MIER3: variants seen among roughly 807,000 people sequenced by gnomAD.
The protein encoded by MIER3 is MIER family member 3.
Under a neutral mutation model 63.2 loss-of-function variants are expected in MIER3, and 9 were observed. The observed-to-expected ratio is 0.14, with a 90% CI of 0.09 to 0.25. The LOEUF (loss-of-function observed/expected upper bound fraction) is 0.25, where lower values mean the gene tolerates loss of function less well. MIER3 is among the 10% of genes least tolerant of loss of function. The probability of loss-of-function intolerance (pLI) is 1.00; values close to 1 mark genes in which losing one functional copy is unlikely to be tolerated. For missense variants in MIER3, 512 were observed against 666.2 expected, an observed-to-expected ratio of 0.77 and a Z score of 2.55; for synonymous variants, 205 against 224.9, an observed-to-expected ratio of 0.91 and a Z score of 0.79.
rs1749679746 is a variant in MIER3, at chr5:56,921,662, T to C, written c.*1466A>G. 6.6e-6 allele frequency: 1 copy of C among 152,644 alleles called. No homozygotes were observed. The highest frequency in any genetic ancestry group is 1.5e-5 in the Non-Finnish European group (1 of 68,022). The allele number at this position is 152,644 out of a possible 1,614,324, so 9.5% of individuals were successfully genotyped here. A position where few individuals can be genotyped will look rare whatever the true frequency, so the allele number is the denominator to read the frequency against. ...ACTACTAAGATCACTACATCCTATCTACTCATCAGCACAACCTTGAAGCAA... is the reference window on the plus strand; with the variant it reads ...ACTACTAAGATCACTACATCCTATCCACTCATCAGCACAACCTTGAAGCAA... On this transcript the variant is annotated 3_prime_UTR_variant, in exon 13 of 13. Coordinates refer to ENST00000381199, the MANE Select transcript of MIER3 (RefSeq NM_001297599.2).
At chr5:56,951,403 T>C (rs1268262137) in intron 1 of MIER3, among the ~76,000 whole-genome samples, 1 of 151,860 alleles carries the variant, frequency 6.6e-6, no homozygotes, top group African/African-American at 2.4e-5. Flanking sequence ...CCAGCCTTCC[T>C]TCCTCCAGCC....
At chr5:56,937,031 G>A (rs1750469888) in intron 5 of MIER3, 1 of 151,916 alleles carries the variant, frequency 6.6e-6, no homozygotes. Context: ...AAGGAAAATG[G>A]CCTTGTAAAA....
chr5:56,930,402 G>C (rs2112098557), intron 9 of MIER3, among the ~76,000 whole-genome samples: 1 of 150,898 alleles, frequency 6.6e-6, no homozygotes, highest in Non-Finnish European at 1.5e-5. Context: ...TGGACATATT[G>C]TCATGTCTGG....
rs150936483 is a variant in MIER3, at chr5:56,947,918, A to G, written c.35-847T>C. The stretch of plus-strand genomic sequence containing the variant: ...AGAAATGACTAAAATCCATAATCCC[A>G]AAGAAATGAAATCAAATTTATAAAA... On this transcript the variant is annotated intron_variant, in intron 2 of 12. Transcript: ENST00000381199. Among the ~76,000 whole-genome samples the G allele has an allele frequency of 7.9e-5, 12 of 152,340 alleles. No individual in the cohort carries two copies. The East Asian group carries it at 1.5e-3, about 20-fold the overall frequency.
chr5:56,936,515 T>C (rs1393036547), intron 5 of MIER3, among the ~76,000 whole-genome samples: 1 of 152,272 alleles, frequency 6.6e-6, no homozygotes, highest in East Asian at 1.9e-4. Flanking sequence ...AAACATTTTA[T>C]TTATTTATTT....
At chr5:56,926,329 T>A (rs1172319895) in intron 10 of MIER3, among the ~76,000 whole-genome samples, 1 of 151,910 alleles carries the variant, frequency 6.6e-6, no homozygotes, top group Non-Finnish European at 1.5e-5. Context: ...GAAGAAAATA[T>A]TTGCAAAACA....
intron 7 of MIER3, among the ~76,000 whole-genome samples, 192 bp from the exon 8 acceptor site, chr5:56,933,590 A>G (rs1479466012): frequency 6.6e-6 from 1 of 152,208 alleles, no homozygotes; most frequent in African/African-American, 2.4e-5. Context: ...TTATAGGCCA[A>G]GGATTCCAGG....
At chr5:56,935,153 C>T (rs186772581) in intron 7 of MIER3, among the ~76,000 whole-genome samples, 7 of 152,154 alleles carry the variant, frequency 4.6e-5, no homozygotes, top group East Asian at 1.9e-4. Context: ...GGTACAGCAC[C>T]GTGGGAGGCT....
chr5:56,936,670 C>T (rs1750458821), intron 5 of MIER3, among the ~76,000 whole-genome samples: 1 of 151,956 alleles, frequency 6.6e-6, no homozygotes. Flanking sequence ...GCCACTATGC[C>T]CAGCTAAGTT....
At position 56,952,087 on chromosome 5, in the gene MIER3, TG is replaced by T; in HGVS notation, c.9+6del. 1 of 1,302,008 alleles carries T rather than the reference TG, an allele frequency of 7.7e-7. No individual in the cohort carries two copies. The highest frequency in any genetic ancestry group is 1.8e-5 in the South Asian group (1 of 56,898). 80.7% of individuals were successfully genotyped at this position (1,302,008 alleles called of 1,614,324 possible). ...CCCGGCTGCTCCTGCCCGGTTTCCC[TG>T]CTCACCTCCGCCATATTGGTACCTT... On this transcript the variant is annotated splice_donor_region_variant and intron_variant, in intron 1 of 12. Coordinates refer to ENST00000381199, the MANE Select transcript of MIER3 (RefSeq NM_001297599.2).
Position 56,921,278 on chromosome 5 carries a change from G to A in MIER3, c.*1850C>T, listed in dbSNP as rs1169186394. ...CTTACTAAATTATAGAAAGTGTACTGATTTTTAATAAAAGAAATAAGGTTC... is the reference window on the plus strand; with the variant it reads ...CTTACTAAATTATAGAAAGTGTACTAATTTTTAATAAAAGAAATAAGGTTC... On this transcript the variant is annotated 3_prime_UTR_variant, in exon 13 of 13. Transcript: ENST00000381199. 1 of 152,442 alleles carries A rather than the reference G, an allele frequency of 6.6e-6. No homozygotes were observed. 9.4% of individuals were successfully genotyped at this position (152,442 alleles called of 1,614,324 possible). A position where few individuals can be genotyped will look rare whatever the true frequency, so the allele number is the denominator to read the frequency against.
chr5:56,943,862 T>C (rs1193991466), intron 3 of MIER3, among the ~76,000 whole-genome samples: 2 of 152,208 alleles, frequency 1.3e-5, no homozygotes, highest in East Asian at 3.8e-4. Context: ...ATTTTTCTCT[T>C]CCTCTTCTTG....
intron 3 of MIER3, among the ~76,000 whole-genome samples, chr5:56,942,555 G>T (rs539479650): frequency 6.6e-6 from 1 of 152,302 alleles, no homozygotes; most frequent in East Asian, 1.9e-4. Flanking sequence ...GTAACGATGA[G>T]TTTAAGGTGA....
chr5:56,933,223 G>A, intron 8 of MIER3, 24 bp downstream of exon 8: 1 of 1,557,906 alleles, frequency 6.4e-7, no homozygotes, highest in Non-Finnish European at 8.7e-7. Flanking sequence ...ACTGGCTGCT[G>A]TTTCAACAGA....
intron 9 of MIER3, chr5:56,929,228 C>T (rs1444081590): frequency 3.1e-5 from 5 of 158,768 alleles, no homozygotes; most frequent in Non-Finnish European, 5.5e-5. Context: ...AAAAACTCTA[C>T]CTCCTTTATT....
chr5:56,923,223 A>G lies in MIER3; in HGVS notation c.1558T>C (p.Ser520Pro). The stretch of plus-strand genomic sequence containing the variant: ...GAGAGACTGCCAAAGTCAGCCACAG[A>G]AACAGCCATTTTGGCACTGGTGATG... ...HHITSAKMAV[S>P]VADFGSLSAN... The change falls in exon 13 of 13, where the codon TCT (serine) becomes CCT (proline). Residue 520 changes from serine to proline, a missense_variant. Around this residue, in one of 5 missense-constraint regions of MIER3, gnomAD observed 218 missense variants for 251.2 expected, o/e 0.87. Coordinates refer to ENST00000381199, the MANE Select transcript of MIER3 (RefSeq NM_001297599.2). 1 of 1,614,132 alleles carries G rather than the reference A, an allele frequency of 6.2e-7. No individual in the cohort carries two copies. The highest frequency in any genetic ancestry group is 8.5e-7 in the Non-Finnish European group (1 of 1,180,012).
At chr5:56,945,631 T>C (rs572625111) in intron 3 of MIER3, among the ~76,000 whole-genome samples, 1 of 152,336 alleles carries the variant, frequency 6.6e-6, no homozygotes, top group Non-Finnish European at 1.5e-5. Context: ...ACGAGAAAAT[T>C]GCTTTAGTAC....
chr5:56,940,689 G>C (rs1272875075), intron 3 of MIER3, among the ~76,000 whole-genome samples: 1 of 152,310 alleles, frequency 6.6e-6, no homozygotes, highest in African/African-American at 2.4e-5. Context: ...TGGGAGCATG[G>C]AATCAGCATA....
rs554173321 is a variant in MIER3 at position 56,939,077 on chromosome 5, A to T, written c.181-60T>A. ...GATGTCACAATACTGAACTGCAGGT[A>T]AACTGTACTGTCCTTAGGTTCAGAA... On this transcript the variant is annotated intron_variant, in intron 3 of 12. Coordinates refer to ENST00000381199, the MANE Select transcript of MIER3 (RefSeq NM_001297599.2). 54 of 1,579,250 alleles carry T rather than the reference A, an allele frequency of 3.4e-5. No individual in the cohort carries two copies. The South Asian group carries it at 6.0e-4, about 18-fold the overall frequency.
Sources: gnomAD v4.1 joint callset for allele counts (sites outside exome capture counted in the v4.1 genomes callset) on GRCh38, gnomAD v4.1.1 for gene constraint, gnomAD v4.1.1 regional missense constraint, MANE v1.5 for transcripts, NCBI Gene and HGNC (gene_info 2026-07-23, HGNC 2026-07-21) for gene names.